The following DNAJC5B variants were observed in gnomAD, a reference collection of about 807,000 sequenced individuals.
DNAJC5B encodes the protein DnaJ heat shock protein family (Hsp40) member C5 beta, also known as dnaJ homolog subfamily C member 5B.
DNAJC5B carries 23 observed loss-of-function variants against 24.7 expected under a neutral mutation model. That is an observed-to-expected ratio of 0.93 (90% CI 0.67 to 1.32). The LOEUF (loss-of-function observed/expected upper bound fraction) is 1.32, where lower values mean the gene tolerates loss of function less well. Among genes scored for constraint, DNAJC5B ranks in the 40% most tolerant of loss-of-function variants. The pLI is 0.00. For synonymous variants in DNAJC5B, 101 were observed against 90.1 expected (o/e 1.12, Z -0.68); for missense variants, 238 against 240.8 (o/e 0.99, Z 0.08).
intron 1 of DNAJC5B, among the ~76,000 whole-genome samples, chr8:66,030,790 C>T (rs529345645): frequency 6.6e-6 from 1 of 152,194 alleles, no homozygotes; most frequent in South Asian, 2.1e-4. Context: ...GTGCCCACCA[C>T]CATGCCCTGC....
intron 1 of DNAJC5B, among the ~76,000 whole-genome samples, chr8:66,041,303 TG>T (rs1021489211): frequency 6.6e-6 from 1 of 152,200 alleles, no homozygotes; most frequent in Non-Finnish European, 1.5e-5. Context: ...TGCTGAGATA[TG>T]AAATTTAAAA....
chr8:66,099,904 G>T (rs1808036194), intron 5 of DNAJC5B, 33 bp from the exon 6 acceptor site: 2 of 1,583,284 alleles, frequency 1.3e-6, no homozygotes, highest in South Asian at 1.1e-5. Context: ...AACATGATGA[G>T]AGTGTTTATT....
chr8:66,069,703 A>G (rs980590279), intron 3 of DNAJC5B, among the ~76,000 whole-genome samples: 1 of 152,244 alleles, frequency 6.6e-6, no homozygotes, highest in Non-Finnish European at 1.5e-5. Context: ...TCCCTAACTC[A>G]TTTTATGAGG....
intron 1 of DNAJC5B, among the ~76,000 whole-genome samples, chr8:66,037,887 A>T (rs1407767532): frequency 1.3e-5 from 2 of 152,230 alleles, no homozygotes; most frequent in Non-Finnish European, 2.9e-5. Flanking sequence ...GACCTCCACC[A>T]GCAAGTTGAA....
At chr8:66,034,176 TTGTGTGTGTGTG>T (rs60916429) in intron 1 of DNAJC5B, among the ~76,000 whole-genome samples, 1 of 144,190 alleles carries the variant, frequency 6.9e-6, no homozygotes, top group Non-Finnish European at 1.5e-5. Flanking sequence ...TGTTGTTGTT[TTGTGTGTGTGTG>T]TGTGTGTGTG....
Position 66,095,690 on chromosome 8 carries a change from CACACAT to C in DNAJC5B, c.506-4243_506-4238del, listed in dbSNP as rs991529408. On this transcript the variant is annotated intron_variant, in intron 5 of 5. Transcript: ENST00000276570. ...ACACACACACACACACACACACACACACACATACAATGTTCTTATATTGTTCTCATC... is the reference window on the plus strand; with the variant it reads ...ACACACACACACACACACACACACACACAATGTTCTTATATTGTTCTCATC... Among the ~76,000 whole-genome samples, 18 of 149,772 alleles carry C rather than the reference CACACAT, an allele frequency of 1.2e-4. No individual in the cohort carries two copies. In the East Asian group the frequency reaches 1.6e-3, roughly 13 times the overall value.
intron 5 of DNAJC5B, among the ~76,000 whole-genome samples, chr8:66,095,156 G>C (rs1041384926): frequency 6.6e-6 from 1 of 152,006 alleles, no homozygotes; most frequent in Non-Finnish European, 1.5e-5. Context: ...TTCTCTTGGA[G>C]AGTTTGTGTA....
chr8:66,079,615 GT>G (rs1691131476), intron 4 of DNAJC5B, among the ~76,000 whole-genome samples: 1 of 152,232 alleles, frequency 6.6e-6, no homozygotes, highest in Non-Finnish European at 1.5e-5. Context: ...GGCTGTGCTG[GT>G]GCAGGGAGGC....
At chr8:66,084,360 T>G (rs1807673861) in intron 5 of DNAJC5B, among the ~76,000 whole-genome samples, 1 of 152,190 alleles carries the variant, frequency 6.6e-6, no homozygotes, top group Non-Finnish European at 1.5e-5. Flanking sequence ...TTGAATCCAT[T>G]AGAAGGCACT....
At chr8:66,084,453 G>T (rs1807675619) in intron 5 of DNAJC5B, among the ~76,000 whole-genome samples, 1 of 152,104 alleles carries the variant, frequency 6.6e-6, no homozygotes, top group African/African-American at 2.4e-5. Flanking sequence ...ATCACTTGGG[G>T]AATCCTTCAT....
At chr8:66,098,359 C>T (rs193020665) in intron 5 of DNAJC5B, among the ~76,000 whole-genome samples, 206 of 152,174 alleles carry the variant, frequency 1.4e-3, no homozygotes, top group African/African-American at 4.7e-3. Context: ...TGTGCCACCA[C>T]GCCCAGCTAA....
chr8:66,064,135 G>T (rs1014460339), intron 3 of DNAJC5B, among the ~76,000 whole-genome samples: 3 of 152,186 alleles, frequency 2.0e-5, no homozygotes, highest in African/African-American at 7.2e-5. Context: ...CAGTGAGACT[G>T]CCAGTCTAGA....
At chr8:66,073,462 G>A (rs1476100888) in intron 3 of DNAJC5B, among the ~76,000 whole-genome samples, 1 of 151,200 alleles carries the variant, frequency 6.6e-6, no homozygotes, top group East Asian at 1.9e-4. Context: ...ATCTCAATAG[G>A]TTGTGTGAAT....
Position 66,100,279 on chromosome 8 carries a change from C to G in DNAJC5B, c.*248C>G. ...CTGAAGAGTTATTTTACCCTCCTTGCCTGATGTAGGACAGTGGAATTGTAC... is the reference window on the plus strand; with the variant it reads ...CTGAAGAGTTATTTTACCCTCCTTGGCTGATGTAGGACAGTGGAATTGTAC... On this transcript the variant is annotated 3_prime_UTR_variant, in exon 6 of 6. Coordinates refer to ENST00000276570, the MANE Select transcript of DNAJC5B (RefSeq NM_033105.6). 5.0e-6 allele frequency: 2 copies of G among 398,464 alleles called. No individual in the cohort carries two copies. The highest frequency in any genetic ancestry group is 8.6e-5 in the East Asian group (2 of 23,256). 24.7% of individuals were successfully genotyped at this position (398,464 alleles called of 1,614,324 possible).
rs537118734 is a variant in DNAJC5B at position 66,099,563 on chromosome 8, C to T, written c.506-374C>T. Among the ~76,000 whole-genome samples, 25 of 152,224 alleles carry T rather than the reference C, an allele frequency of 1.6e-4. No homozygotes were observed. The South Asian group carries it at 4.6e-3, about 28-fold the overall frequency. ...AAACTATACCTTTCCTGTAGATATA[C>T]GTTGTAGTCTATATGAAAGGTGCCC... is the stretch of plus-strand genomic sequence containing the variant. On this transcript the variant is annotated intron_variant, in intron 5 of 5. Transcript: ENST00000276570.
chr8:66,065,690 A>C (rs1807176694), intron 3 of DNAJC5B, among the ~76,000 whole-genome samples: 1 of 152,200 alleles, frequency 6.6e-6, no homozygotes, highest in African/African-American at 2.4e-5. Context: ...ATATGACCAC[A>C]AGAGGCAATA....
chr8:66,087,266 T>C (rs1360036102), intron 5 of DNAJC5B, among the ~76,000 whole-genome samples: 2 of 152,168 alleles, frequency 1.3e-5, no homozygotes, highest in African/African-American at 2.4e-5. Flanking sequence ...TCAGATCTCA[T>C]GAGAATTCAC....
intron 3 of DNAJC5B, among the ~76,000 whole-genome samples, chr8:66,053,441 T>G (rs986860772): frequency 6.6e-6 from 1 of 152,186 alleles, no homozygotes; most frequent in Non-Finnish European, 1.5e-5. Context: ...AAAAAAAATG[T>G]TGAGTACAAA....
At chr8:66,064,895 G>A (rs1807157242) in intron 3 of DNAJC5B, among the ~76,000 whole-genome samples, 1 of 152,062 alleles carries the variant, frequency 6.6e-6, no homozygotes, top group Non-Finnish European at 1.5e-5. Context: ...ATTAGAGAGG[G>A]TAATGAACTG....
Sources: allele counts gnomAD v4.1 joint callset (sites outside exome capture counted in the v4.1 genomes callset), GRCh38; gene constraint gnomAD v4.1.1; transcripts MANE v1.5; gene names NCBI Gene and HGNC (gene_info 2026-07-23, HGNC 2026-07-21).